Variants in DLGAP2 observed in about 807,000 individuals in gnomAD.
DLGAP2 encodes the protein disks large-associated protein 2.
DLGAP2 carries 26 observed loss-of-function variants against 100.3 expected under a neutral mutation model. That is an observed-to-expected ratio of 0.26 (90% CI 0.19 to 0.36). DLGAP2 has a LOEUF of 0.36. Ranked by LOEUF, DLGAP2 falls within the 10% of genes least tolerant of loss-of-function variation. DLGAP2 has a pLI of 1.00. For synonymous variants in DLGAP2, 886 were observed against 630.1 expected, an observed-to-expected ratio of 1.41 and a Z score of -6.08; for missense variants, 1,858 against 1,453.2, an observed-to-expected ratio of 1.28 and a Z score of -4.53.
intron 6 of DLGAP2, 115 bp downstream of exon 6, chr8:1,566,009 G>A (rs1367931126): frequency 1.2e-6 from 1 of 822,314 alleles, no homozygotes; most frequent in African/African-American, 1.8e-5. Flanking sequence ...AAATTGCCAA[G>A]CTGAAAATAT....
At chr8:1,138,936 C>T (rs562491272) in intron 2 of DLGAP2, among the ~76,000 whole-genome samples, 9 of 151,842 alleles carry the variant, frequency 5.9e-5, no homozygotes, top group South Asian at 2.1e-4. Context: ...CTGGCCTGTG[C>T]GGCTGGTGGG....
intron 6 of DLGAP2, among the ~76,000 whole-genome samples, chr8:1,605,005 G>A (rs375095465): frequency 3.2e-4 from 48 of 152,274 alleles, no homozygotes; most frequent in African/African-American, 9.6e-4. Context: ...TAGTGCAGTC[G>A]CTTTGTTGTT....
intron 3 of DLGAP2, among the ~76,000 whole-genome samples, chr8:1,360,264 G>A (rs1368554046): frequency 7.7e-6 from 1 of 129,822 alleles, no homozygotes. Flanking sequence ...GGGCTTCTCC[G>A]GGGCGGGGCT....
intron 1 of DLGAP2, among the ~76,000 whole-genome samples, chr8:857,253 G>A (rs944145788): frequency 3.9e-5 from 6 of 152,200 alleles, no homozygotes; most frequent in African/African-American, 1.4e-4. Flanking sequence ...AGGAGACAAT[G>A]TGGGAGAACC....
intron 12 of DLGAP2, among the ~76,000 whole-genome samples, chr8:1,684,640 C>G (rs1175125851): frequency 6.6e-6 from 1 of 152,022 alleles, no homozygotes; most frequent in Non-Finnish European, 1.5e-5. Flanking sequence ...CAAAGAAATG[C>G]TGGTCTGCAT....
At chr8:1,442,328 C>CT (rs1377990841) in intron 3 of DLGAP2, among the ~76,000 whole-genome samples, 1 of 142,534 alleles carries the variant, frequency 7.0e-6, no homozygotes, top group African/African-American at 2.7e-5. Flanking sequence ...GGTTCAGCCA[C>CT]TGGGGGAGAT....
chr8:1,272,200 C>G (rs1293645060), intron 3 of DLGAP2, among the ~76,000 whole-genome samples: 2 of 152,136 alleles, frequency 1.3e-5, no homozygotes, highest in African/African-American at 4.8e-5. Flanking sequence ...TTAGGATACC[C>G]TCATTTTAGG....
intron 1 of DLGAP2, chr8:822,239 G>A (rs1321723141): frequency 1.0e-5 from 4 of 399,248 alleles, no homozygotes; most frequent in African/African-American, 2.1e-5. Context: ...TCCGTCTTGC[G>A]GTCCTTACCC....
At chr8:1,030,485 C>T (rs140885854) in intron 2 of DLGAP2, among the ~76,000 whole-genome samples, 9 of 152,290 alleles carry the variant, frequency 5.9e-5, no homozygotes, top group African/African-American at 1.9e-4. Context: ...AAGGTGCTCA[C>T]GGACTCGGCT....
intron 2 of DLGAP2, among the ~76,000 whole-genome samples, chr8:1,134,625 C>T (rs533375194): frequency 6.6e-6 from 1 of 152,010 alleles, no homozygotes; most frequent in Admixed American, 6.6e-5. Context: ...TGTATAAGTT[C>T]GTTTTCACAC....
At chr8:1,037,205 G>A (rs947400031) in intron 2 of DLGAP2, among the ~76,000 whole-genome samples, 4 of 152,114 alleles carry the variant, frequency 2.6e-5, no homozygotes, top group Non-Finnish European at 4.4e-5. Context: ...GTCCCCTGCC[G>A]TCCTGTCCTC....
At chr8:1,105,491 G>C in intron 2 of DLGAP2, among the ~76,000 whole-genome samples, 1 of 152,172 alleles carries the variant, frequency 6.6e-6, no homozygotes, top group East Asian at 1.9e-4. Flanking sequence ...GGGAGATGCA[G>C]GGAGGGGGTA....
chr8:1,506,337 T>C (rs1290953622), intron 4 of DLGAP2, among the ~76,000 whole-genome samples: 3 of 152,212 alleles, frequency 2.0e-5, no homozygotes. Flanking sequence ...TATTACATTG[T>C]AGGTTCTTGG....
At chr8:1,365,256 A>G (rs1262905573) in intron 3 of DLGAP2, among the ~76,000 whole-genome samples, 1 of 152,116 alleles carries the variant, frequency 6.6e-6, no homozygotes, top group African/African-American at 2.4e-5. Flanking sequence ...TCACTCTCCC[A>G]GAGCCTCAAG....
intron 2 of DLGAP2, among the ~76,000 whole-genome samples, chr8:1,054,391 C>T (rs1323239527): frequency 1.3e-5 from 2 of 152,118 alleles, no homozygotes; most frequent in African/African-American, 4.8e-5. Flanking sequence ...ATGGCTTGGA[C>T]TTTACTCTTG....
At chr8:1,431,978 G>A (rs1397360783) in intron 3 of DLGAP2, among the ~76,000 whole-genome samples, 3 of 147,926 alleles carry the variant, frequency 2.0e-5, no homozygotes, top group African/African-American at 7.5e-5. Context: ...CCATCCATCG[G>A]GGCTGAATCC....
intron 1 of DLGAP2, among the ~76,000 whole-genome samples, chr8:827,003 T>G (rs1007535308): frequency 1.3e-5 from 2 of 152,174 alleles, no homozygotes; most frequent in Non-Finnish European, 2.9e-5. Flanking sequence ...GTTTGCTGTT[T>G]CCCCTTATGG....
intron 3 of DLGAP2, among the ~76,000 whole-genome samples, chr8:1,410,225 A>C (rs1417389140): frequency 2.6e-5 from 4 of 152,154 alleles, no homozygotes; most frequent in Non-Finnish European, 5.9e-5. Flanking sequence ...TTGGAATCTC[A>C]CTGGCTTCAG....
At chr8:1,578,313 G>C (rs1363572201) in intron 6 of DLGAP2, among the ~76,000 whole-genome samples, 1 of 152,178 alleles carries the variant, frequency 6.6e-6, no homozygotes, top group African/African-American at 2.4e-5. Flanking sequence ...AGATCGACTT[G>C]CTAATTGTAT....
Sources: gnomAD v4.1 joint callset for allele counts (sites outside exome capture counted in the v4.1 genomes callset) on GRCh38, gnomAD v4.1.1 for gene constraint, MANE v1.5 for transcripts, NCBI Gene and HGNC (gene_info 2026-07-23, HGNC 2026-07-21) for gene names.